The following HS6ST3 variants were observed in gnomAD, a reference collection of about 807,000 sequenced individuals.
HS6ST3 encodes the protein heparan-sulfate 6-O-sulfotransferase 3.
A neutral mutation model predicts 36.7 loss-of-function variants in HS6ST3; 12 were observed. The ratio of observed to expected loss-of-function variants is 0.33; its 90% CI spans 0.21 to 0.53. HS6ST3 has a LOEUF of 0.53. Ranked by LOEUF, HS6ST3 falls within the 20% of genes least tolerant of loss-of-function variation. The pLI, the probability that HS6ST3 is intolerant of heterozygous loss-of-function variation, is 0.95. For missense variants in HS6ST3, 584 were observed against 640.9 expected, an observed-to-expected ratio of 0.91 and a Z score of 0.96; for synonymous variants, 240 against 257.5, an observed-to-expected ratio of 0.93 and a Z score of 0.65.
At chr13:96,179,505 C>T (rs539276127) in intron 1 of HS6ST3, among the ~76,000 whole-genome samples, 1 of 152,322 alleles carries the variant, frequency 6.6e-6, no homozygotes, top group South Asian at 2.1e-4. Flanking sequence ...TGCCTGGAAT[C>T]TACGAAGCTC....
rs564450444 is a variant in HS6ST3, at chr13:96,529,573, C to A, written c.708-302917C>A. 5.9e-5 allele frequency among the ~76,000 whole-genome samples: 9 copies of A among 152,086 alleles called. No homozygotes were observed. The East Asian group carries it at 1.4e-3, about 23-fold the overall frequency. ...CCATAGTTATCTTACATTTTATATT[C>A]TTCATTATTTGGTTATCTTTTTATT... On this transcript the variant is annotated intron_variant, in intron 1 of 1. Coordinates refer to ENST00000376705, the MANE Select transcript of HS6ST3 (RefSeq NM_153456.4).
chr13:96,757,152 A>G lies in HS6ST3; in HGVS notation c.708-75338A>G, dbSNP rs114076378. 4.3e-3 allele frequency among the ~76,000 whole-genome samples: 657 copies of G among 152,318 alleles called. 4 individuals are homozygous for G. Among genetic ancestry groups the G allele is most frequent in the African/African-American group, 0.015 (612 of 41,564 alleles). ...TTCTTTAAATCCAGCAATGAAAAGA[A>G]ACACTCCACAGTGAGTCTATACAAC... On this transcript the variant is annotated intron_variant, in intron 1 of 1. Coordinates refer to ENST00000376705, the MANE Select transcript of HS6ST3 (RefSeq NM_153456.4).
chr13:96,443,481 G>T (rs1218741058), intron 1 of HS6ST3, among the ~76,000 whole-genome samples: 2 of 131,774 alleles, frequency 1.5e-5, no homozygotes, highest in Non-Finnish European at 3.1e-5. Flanking sequence ...AGTGAGCCGA[G>T]ATCACGCCAC....
intron 1 of HS6ST3, among the ~76,000 whole-genome samples, chr13:96,699,696 G>T (rs1342183349): frequency 6.6e-6 from 1 of 152,142 alleles, no homozygotes; most frequent in Admixed American, 6.6e-5. Flanking sequence ...GATTCCTCAG[G>T]GATCTAGAAT....
In HS6ST3 at chr13:96,833,072, C is replaced by G. The variant is rs1169728217; in HGVS notation, c.1290C>G (p.Asp430Glu). Reference sequence around the variant, plus strand: ...CCAAGCAGCTAGAGCACCAGAGGGACCGCCAGAAGCGGCGGGAGGAGCGGA... The same window carrying G: ...CCAAGCAGCTAGAGCACCAGAGGGAGCGCCAGAAGCGGCGGGAGGAGCGGA... The part of the protein sequence containing the change: ...HHTKQLEHQR[D>E]RQKRREERRL... The change falls in exon 2 of 2, where the codon GAC becomes GAG. Residue 430 changes from aspartate (D) to glutamate (E), a missense_variant. By Grantham distance (45) the Asp-to-Glu change is conservative. Coordinates refer to ENST00000376705, the MANE Select transcript of HS6ST3 (RefSeq NM_153456.4). The G allele has an allele frequency of 6.2e-7, 1 of 1,612,402 alleles. No individual in the cohort carries two copies. Among genetic ancestry groups the G allele is most frequent in the Non-Finnish European group, 8.5e-7 (1 of 1,180,022 alleles).
chr13:96,417,706 G>A (rs1428707182), intron 1 of HS6ST3, among the ~76,000 whole-genome samples: 1 of 102,536 alleles, frequency 9.8e-6, no homozygotes, highest in East Asian at 3.3e-4. Flanking sequence ...ATATTTATAT[G>A]TACGTATCTG....
At chr13:96,130,996 C>T (rs936661582) in intron 1 of HS6ST3, among the ~76,000 whole-genome samples, 1 of 152,156 alleles carries the variant, frequency 6.6e-6, no homozygotes, top group Non-Finnish European at 1.5e-5. Context: ...AACGCTGTTC[C>T]CTCCCACTAC....
chr13:96,490,631 C>T (rs1454714033), intron 1 of HS6ST3, among the ~76,000 whole-genome samples: 4 of 152,144 alleles, frequency 2.6e-5, no homozygotes, highest in Non-Finnish European at 5.9e-5. Context: ...TTTCCAAGTA[C>T]TTAACAATTG....
chr13:96,814,161 C>CT (rs1485004851), intron 1 of HS6ST3, among the ~76,000 whole-genome samples: 1 of 152,112 alleles, frequency 6.6e-6, no homozygotes, highest in African/African-American at 2.4e-5. Flanking sequence ...GATCCCATCT[C>CT]TTTTTTATGG....
At chr13:96,194,820 T>C (rs975390661) in intron 1 of HS6ST3, among the ~76,000 whole-genome samples, 4 of 152,086 alleles carry the variant, frequency 2.6e-5, no homozygotes, top group African/African-American at 9.7e-5. Context: ...CTGTTCCTAT[T>C]AGTTTGACTT....
At chr13:96,185,549 A>G (rs1167202253) in intron 1 of HS6ST3, among the ~76,000 whole-genome samples, 1 of 152,200 alleles carries the variant, frequency 6.6e-6, no homozygotes, top group Non-Finnish European at 1.5e-5. Context: ...CATTTCAAAC[A>G]TTCTGAAGTG....
intron 1 of HS6ST3, among the ~76,000 whole-genome samples, chr13:96,145,234 C>A (rs200557619): frequency 6.6e-6 from 1 of 151,280 alleles, no homozygotes; most frequent in Non-Finnish European, 1.5e-5. Flanking sequence ...GCCACATTGA[C>A]TTCCACAATG....
chr13:96,681,594 G>A (rs1351408155), intron 1 of HS6ST3, among the ~76,000 whole-genome samples: 2 of 152,108 alleles, frequency 1.3e-5, no homozygotes, highest in African/African-American at 2.4e-5. Flanking sequence ...ATTTTAAAAT[G>A]TATTTTCTTA....
At chr13:96,245,822 T>G (rs1168828368) in intron 1 of HS6ST3, among the ~76,000 whole-genome samples, 1 of 152,178 alleles carries the variant, frequency 6.6e-6, no homozygotes, top group African/African-American at 2.4e-5. Context: ...AAAATTTGCT[T>G]ATTTGGGTCT....
chr13:96,204,257 G>T (rs2054358364), intron 1 of HS6ST3, among the ~76,000 whole-genome samples: 1 of 152,076 alleles, frequency 6.6e-6, no homozygotes, highest in Admixed American at 6.6e-5. Context: ...AGACAAAGAA[G>T]AGCATAACAT....
At chr13:96,528,760 C>G (rs2056124465) in intron 1 of HS6ST3, among the ~76,000 whole-genome samples, 1 of 152,110 alleles carries the variant, frequency 6.6e-6, no homozygotes, top group Admixed American at 6.6e-5. Context: ...GAAAATACTA[C>G]TAAGATATCC....
chr13:96,730,494 C>A (rs1876121719), intron 1 of HS6ST3, among the ~76,000 whole-genome samples: 1 of 152,070 alleles, frequency 6.6e-6, no homozygotes, highest in Non-Finnish European at 1.5e-5. Context: ...TCATTCCTAC[C>A]CTCCCCCACA....
At chr13:96,158,019 A>C (rs1389836719) in intron 1 of HS6ST3, among the ~76,000 whole-genome samples, 2 of 152,210 alleles carry the variant, frequency 1.3e-5, no homozygotes, top group African/African-American at 4.8e-5. Flanking sequence ...TTACTGGTGT[A>C]CACAAAGTGG....
At chr13:96,204,452 A>G (rs974546197) in intron 1 of HS6ST3, among the ~76,000 whole-genome samples, 7 of 152,202 alleles carry the variant, frequency 4.6e-5, no homozygotes, top group Admixed American at 3.9e-4. Flanking sequence ...ATTGAGACAG[A>G]AAATTAAAAA....
Sources: gnomAD v4.1 joint callset for allele counts (sites outside exome capture counted in the v4.1 genomes callset) on GRCh38, gnomAD v4.1.1 for gene constraint, MANE v1.5 for transcripts, NCBI Gene and HGNC (gene_info 2026-07-23, HGNC 2026-07-21) for gene names.